The following CEP57L1 variants were observed in gnomAD, a reference collection of about 807,000 sequenced individuals.
CEP57L1 encodes the protein centrosomal protein 57 like 1, also known as centrosomal protein CEP57L1.
In CEP57L1, 37 loss-of-function variants were observed where a neutral mutation model predicts 61.0. That is an observed-to-expected ratio of 0.61 (90% CI 0.47 to 0.80). CEP57L1 has a LOEUF of 0.80. Ranked by LOEUF, CEP57L1 falls within the 30% of genes least tolerant of loss-of-function variation. CEP57L1 has a pLI of 0.00. For synonymous variants in CEP57L1, 137 were observed against 162.3 expected (o/e 0.84, Z 1.19); for missense variants, 422 against 524.7 (o/e 0.80, Z 1.91).
At chr6:109,096,872 T>C (rs77373614) in intron 1 of CEP57L1, among the ~76,000 whole-genome samples, 12,051 of 152,238 alleles carry the variant, frequency 0.079, 645 homozygotes, top group Middle Eastern at 0.19. Context: ...TTTTATGCCG[T>C]AGTTAAATAT....
intron 1 of CEP57L1, among the ~76,000 whole-genome samples, chr6:109,111,793 T>G (rs117298489): frequency 0.079 from 12,033 of 152,282 alleles, 647 homozygotes; most frequent in Middle Eastern, 0.2. Context: ...TGGGTTTTTT[T>G]GTCATTGGTT....
intron 10 of CEP57L1, among the ~76,000 whole-genome samples, chr6:109,162,503 C>CT (rs1394857365): frequency 6.6e-6 from 1 of 151,882 alleles, no homozygotes; most frequent in African/African-American, 2.4e-5. Flanking sequence ...CACATATGTG[C>CT]TTTTTTTCAC....
rs1191846930 is a variant in CEP57L1, at chr6:109,171,899, G to A, written c.*8929G>A. On this transcript the variant is annotated 3_prime_UTR_variant, in exon 11 of 11. Coordinates refer to ENST00000517392, the MANE Select transcript of CEP57L1 (RefSeq NM_001271852.3). ...AAAGGCTCAAGGTTTCATTTACATG[G>A]GAAATGAGAACTAGACAGTGTGGTG... 6.6e-6 allele frequency among the ~76,000 whole-genome samples: 1 copy of A among 152,044 alleles called. No homozygotes were observed. The highest frequency in any genetic ancestry group is 1.5e-5 in the Non-Finnish European group (1 of 68,012).
At chr6:109,155,990 A>G (rs1009028271) in intron 7 of CEP57L1, 113 bp downstream of exon 7, 2 of 527,894 alleles carry the variant, frequency 3.8e-6, no homozygotes, top group Non-Finnish European at 6.7e-6. Context: ...ATAAAATAAA[A>G]GACATGCAAT....
intron 4 of CEP57L1, among the ~76,000 whole-genome samples, chr6:109,150,764 C>G (rs1361391781): frequency 6.6e-6 from 1 of 151,086 alleles, no homozygotes; most frequent in Non-Finnish European, 1.5e-5. Context: ...ACTCAAAGTA[C>G]TGAACCCAGA....
rs150803908 is a variant in CEP57L1, at chr6:109,153,000, A to G, written c.463-833A>G. Among the ~76,000 whole-genome samples, 1,198 of 151,596 alleles carry G rather than the reference A, an allele frequency of 7.9e-3. 20 individuals are homozygous for G. The highest frequency in any genetic ancestry group is 0.028 in the African/African-American group (1,151 of 41,338). On this transcript the variant is annotated intron_variant, in intron 4 of 10. Coordinates refer to ENST00000517392, the MANE Select transcript of CEP57L1 (RefSeq NM_001271852.3). ...GTGGCAGGCGCCTGTAATCCCAGCT[A>G]TTTGGGAAGCTGAGGAGGGAGAATC... is the stretch of plus-strand genomic sequence containing the variant.
chr6:109,156,340 T>G (rs1017627305), intron 7 of CEP57L1: 19 of 151,722 alleles, frequency 1.3e-4, no homozygotes, highest in African/African-American at 4.4e-4. Flanking sequence ...CAATAAAAAA[T>G]AAGGTTTTTC....
chr6:109,151,688 T>A (rs1377267145), intron 4 of CEP57L1, among the ~76,000 whole-genome samples: 1 of 152,194 alleles, frequency 6.6e-6, no homozygotes, highest in African/African-American at 2.4e-5. Context: ...TGAAGGAAAA[T>A]ATCAGAATGC....
At position 109,166,275 on chromosome 6, in the gene CEP57L1, GC is replaced by G. The variant is rs1424818902; in HGVS notation, c.*3306del. On this transcript the variant is annotated 3_prime_UTR_variant, in exon 11 of 11. Coordinates refer to ENST00000517392, the MANE Select transcript of CEP57L1 (RefSeq NM_001271852.3). Reference sequence around the variant, plus strand: ...TAATGTACTTGAAAATTATTTTTGAGCTTTTTTGGTAGCTTTCTTACTTTAT... The same window carrying G: ...TAATGTACTTGAAAATTATTTTTGAGTTTTTTGGTAGCTTTCTTACTTTAT... Among the ~76,000 whole-genome samples, 1 of 151,904 alleles carries G rather than the reference GC, an allele frequency of 6.6e-6. No individual in the cohort carries two copies. Among genetic ancestry groups the G allele is most frequent in the Non-Finnish European group, 1.5e-5 (1 of 67,946 alleles).
At chr6:109,124,987 A>G (rs1344092313) in intron 1 of CEP57L1, 1 of 152,172 alleles carries the variant, frequency 6.6e-6, no homozygotes, top group Non-Finnish European at 1.5e-5. Flanking sequence ...CTTATTTGCT[A>G]TAGGTTGGGA....
intron 10 of CEP57L1, 38 bp from the exon 11 acceptor site, chr6:109,162,711 A>G: frequency 2.3e-6 from 3 of 1,327,948 alleles, no homozygotes; most frequent in Non-Finnish European, 3.2e-6. Context: ...TTTTTAGTAT[A>G]TTTTTGACTA....
At chr6:109,119,438 C>G (rs958210831) in intron 1 of CEP57L1, among the ~76,000 whole-genome samples, 1 of 152,054 alleles carries the variant, frequency 6.6e-6, no homozygotes, top group Admixed American at 6.5e-5. Flanking sequence ...AAGTGTTTTA[C>G]GTGTTGACCT....
intron 1 of CEP57L1, among the ~76,000 whole-genome samples, chr6:109,108,996 A>G (rs1288049744): frequency 2.0e-5 from 3 of 152,206 alleles, no homozygotes; most frequent in African/African-American, 7.2e-5. Context: ...TTTTAATAGG[A>G]GAGTCTCTTT....
chr6:109,104,315 A>T (rs1204581377), intron 1 of CEP57L1, among the ~76,000 whole-genome samples: 3 of 116,142 alleles, frequency 2.6e-5, no homozygotes, highest in African/African-American at 1.0e-4. Flanking sequence ...TATTTATTTA[A>T]AAAAAAAATT....
intron 1 of CEP57L1, among the ~76,000 whole-genome samples, chr6:109,104,111 T>C (rs187822061): frequency 1.3e-5 from 2 of 151,970 alleles, no homozygotes; most frequent in South Asian, 2.1e-4. Flanking sequence ...TCATATATTG[T>C]CTTTGTCTTT....
In CEP57L1 at chr6:109,095,585, G is replaced by C. The variant is rs1781590336; in HGVS notation, c.-4+10G>C. ...TGAGAGCGTCTGCTTGGTAAGCACT[G>C]TAAGCTGGGTTGTCACCTTTCCTTG... On this transcript the variant is annotated intron_variant, in intron 1 of 10. Transcript: ENST00000517392. The C allele has an allele frequency of 2.0e-6, 2 of 985,634 alleles. No homozygotes were observed. Among genetic ancestry groups the C allele is most frequent in the Non-Finnish European group, 1.2e-6 (1 of 829,850 alleles). 61.1% of individuals were successfully genotyped at this position (985,634 alleles called of 1,614,324 possible).
At chr6:109,146,971 T>A in intron 3 of CEP57L1, 34 bp downstream of exon 3, 1 of 1,543,200 alleles carries the variant, frequency 6.5e-7, no homozygotes. Flanking sequence ...AAACCGGGGG[T>A]TACTGGAGTT....
intron 1 of CEP57L1, among the ~76,000 whole-genome samples, chr6:109,111,558 T>C (rs1771626647): frequency 6.6e-6 from 1 of 152,210 alleles, no homozygotes; most frequent in Non-Finnish European, 1.5e-5. Flanking sequence ...TCCAATACTA[T>C]GTTGGATAGG....
intron 1 of CEP57L1, among the ~76,000 whole-genome samples, chr6:109,136,130 G>A (rs1770643138): frequency 6.6e-6 from 1 of 152,156 alleles, no homozygotes; most frequent in African/African-American, 2.4e-5. Flanking sequence ...GTTTATTGCG[G>A]CACTATTCAC....
Sources: allele counts gnomAD v4.1 joint callset (sites outside exome capture counted in the v4.1 genomes callset), GRCh38; gene constraint gnomAD v4.1.1; transcripts MANE v1.5; gene names NCBI Gene and HGNC (gene_info 2026-07-23, HGNC 2026-07-21).